NRXN1: variants seen among roughly 807,000 people sequenced by gnomAD.
The protein encoded by NRXN1 is neurexin-1.
A neutral mutation model predicts 150.9 loss-of-function variants in NRXN1; 39 were observed. The ratio of observed to expected loss-of-function variants is 0.26; its 90% confidence interval spans 0.20 to 0.34. The LOEUF (loss-of-function observed/expected upper bound fraction) is 0.34. NRXN1 is among the 10% of genes least tolerant of loss of function. NRXN1 has a pLI of 1.00. For synonymous variants in NRXN1, 924 were observed against 757.0 expected (o/e 1.22, Z -3.62); for missense variants, 1,815 against 1,949.9 (o/e 0.93, Z 1.30).
Position 50,003,877 on chromosome 2 carries a change from T to C in NRXN1, c.4128+49394A>G, listed in dbSNP as rs796974768. On this transcript the variant is annotated intron_variant, in intron 21 of 22. Transcript: ENST00000401669. Reference sequence around the variant, plus strand: ...TTTCATGTCATTCCAGATAGAAATATCAAAGATGGAACATTTTCCTTCCCC... The same window carrying C: ...TTTCATGTCATTCCAGATAGAAATACCAAAGATGGAACATTTTCCTTCCCC... 4.6e-5 allele frequency among the ~76,000 whole-genome samples: 7 copies of C among 152,184 alleles called. 1 individual carries two copies. Among genetic ancestry groups the C allele is most frequent in the African/African-American group, 1.4e-4 (6 of 41,540 alleles).
intron 12 of NRXN1, among the ~76,000 whole-genome samples, chr2:50,514,217 A>G (rs1558863390): frequency 3.9e-5 from 6 of 152,168 alleles, no homozygotes; most frequent in African/African-American, 1.4e-4. Flanking sequence ...ACAGGCAGGA[A>G]TTTTTTAAAA....
chr2:50,765,316 T>C (rs1416786212), intron 5 of NRXN1, among the ~76,000 whole-genome samples: 1 of 152,004 alleles, frequency 6.6e-6, no homozygotes, highest in Admixed American at 6.6e-5. Context: ...AGGTTAACCA[T>C]TAAGAGACGG....
chr2:50,422,505 AC>A lies in NRXN1; in HGVS notation c.3364+42936del, dbSNP rs1015920542. Among the ~76,000 whole-genome samples, 84 of 152,128 alleles carry A rather than the reference AC, an allele frequency of 5.5e-4. 1 individual carries two copies. Among genetic ancestry groups the A allele is most frequent in the African/African-American group, 1.9e-3 (77 of 41,424 alleles). ...CTGGACATCGAAGAGGAAAACTCAA[AC>A]CACAAACCTCATAATGAACTGCTTC... On this transcript the variant is annotated intron_variant, in intron 17 of 22. Coordinates refer to ENST00000401669, the MANE Select transcript of NRXN1 (RefSeq NM_001330078.2).
chr2:50,687,483 G>A (rs1387728570), intron 5 of NRXN1, among the ~76,000 whole-genome samples: 1 of 151,896 alleles, frequency 6.6e-6, no homozygotes, highest in African/African-American at 2.4e-5. Context: ...TCAACGTCAG[G>A]CTTTCAGCTG....
At chr2:50,600,511 GA>G (rs1221626365) in intron 8 of NRXN1, among the ~76,000 whole-genome samples, 1 of 151,992 alleles carries the variant, frequency 6.6e-6, no homozygotes, top group East Asian at 1.9e-4. Context: ...TTTTAATAGA[GA>G]CGGGGTTTCA....
At chr2:50,343,806 G>A (rs1042355960) in intron 17 of NRXN1, among the ~76,000 whole-genome samples, 3 of 152,126 alleles carry the variant, frequency 2.0e-5, no homozygotes, top group African/African-American at 7.2e-5. Flanking sequence ...TACCATAAAT[G>A]AATTTTTATT....
chr2:51,025,144 A>G (rs201857366), intron 2 of NRXN1, among the ~76,000 whole-genome samples: 1 of 152,098 alleles, frequency 6.6e-6, no homozygotes, highest in East Asian at 1.9e-4. Context: ...AAAGAATCCA[A>G]TCTTTTGTTT....
intron 21 of NRXN1, among the ~76,000 whole-genome samples, chr2:49,963,554 G>A (rs562363941): frequency 2.0e-5 from 3 of 152,130 alleles, no homozygotes; most frequent in Non-Finnish European, 4.4e-5. Flanking sequence ...AATGAATCAC[G>A]CAATGAGATG....
chr2:50,307,732 C>T (rs1445279700), intron 17 of NRXN1, among the ~76,000 whole-genome samples: 1 of 152,088 alleles, frequency 6.6e-6, no homozygotes, highest in Non-Finnish European at 1.5e-5. Flanking sequence ...TCCATAATGA[C>T]TTTATTTAAA....
chr2:50,146,821 C>T (rs1708076229), intron 18 of NRXN1, among the ~76,000 whole-genome samples: 1 of 151,440 alleles, frequency 6.6e-6, no homozygotes, highest in Non-Finnish European at 1.5e-5. Context: ...TGTTTTTTAC[C>T]CATTGAAATT....
At chr2:50,728,273 T>C (rs1044605820) in intron 5 of NRXN1, among the ~76,000 whole-genome samples, 1 of 152,162 alleles carries the variant, frequency 6.6e-6, no homozygotes, top group South Asian at 2.1e-4. Flanking sequence ...TGAGTCCCAG[T>C]CTTCTCAGCA....
intron 5 of NRXN1, among the ~76,000 whole-genome samples, chr2:50,876,596 A>G (rs996285314): frequency 3.3e-5 from 5 of 151,830 alleles, no homozygotes; most frequent in African/African-American, 1.2e-4. Context: ...GTATTTGCTC[A>G]TGAGTTCTCC....
At chr2:50,115,845 T>G in intron 18 of NRXN1, among the ~76,000 whole-genome samples, 1 of 151,838 alleles carries the variant, frequency 6.6e-6, no homozygotes, top group East Asian at 1.9e-4. Context: ...ATAAGAATCA[T>G]GTACATATGT....
At position 50,849,296 on chromosome 2, in the gene NRXN1, T is replaced by G. The variant is rs148457878; in HGVS notation, c.832+72573A>C. ...CTAAGAGGATTTACTTTAGACCACT[T>G]GGAATTGTAAATTCTTTCTGTGTTC... On this transcript the variant is annotated intron_variant, in intron 5 of 22. Transcript: ENST00000401669. 6.2e-4 allele frequency among the ~76,000 whole-genome samples: 95 copies of G among 152,342 alleles called. 1 individual carries two copies. In the East Asian group the frequency reaches 0.017, roughly 28 times the overall value.
intron 15 of NRXN1, among the ~76,000 whole-genome samples, chr2:50,472,795 T>TTGTGTGTG (rs113192574): frequency 0.054 from 7,466 of 138,378 alleles, 270 homozygotes; most frequent in African/African-American, 0.1. Context: ...CCCTACAGCC[T>TTGTGTGTG]TGTGTGTGTG....
intron 17 of NRXN1, among the ~76,000 whole-genome samples, chr2:50,378,803 G>T (rs1026363160): frequency 2.0e-5 from 3 of 152,072 alleles, no homozygotes; most frequent in Non-Finnish European, 4.4e-5. Context: ...CATCAAACAG[G>T]TAACTTTAAG....
intron 5 of NRXN1, among the ~76,000 whole-genome samples, chr2:50,812,723 AGTGTGT>A (rs143701404): frequency 3.4e-5 from 5 of 146,004 alleles, no homozygotes; most frequent in Non-Finnish European, 7.5e-5. Context: ...AAATAATAAG[AGTGTGT>A]GTGTGTGTGT....
At chr2:50,946,225 C>T (rs547210100) in intron 2 of NRXN1, among the ~76,000 whole-genome samples, 28 of 152,050 alleles carry the variant, frequency 1.8e-4, no homozygotes, top group African/African-American at 5.5e-4. Flanking sequence ...ATGCTGCATA[C>T]GACGCTATGA....
At chr2:50,391,638 T>C (rs920897057) in intron 17 of NRXN1, among the ~76,000 whole-genome samples, 5 of 152,146 alleles carry the variant, frequency 3.3e-5, no homozygotes, top group Non-Finnish European at 7.4e-5. Context: ...CCTATTCTTG[T>C]TTATTTAAGT....
Sources: gnomAD v4.1 joint callset for allele counts (sites outside exome capture counted in the v4.1 genomes callset) on GRCh38, gnomAD v4.1.1 for gene constraint, MANE v1.5 for transcripts, NCBI Gene and HGNC (gene_info 2026-07-23, HGNC 2026-07-21) for gene names.